CADM2: variants seen among roughly 807,000 people sequenced by gnomAD.
The protein encoded by CADM2 is cell adhesion molecule 2.
Under a neutral mutation model 49.8 loss-of-function variants are expected in CADM2, and 12 were observed. That is an observed-to-expected ratio of 0.24 (90% CI 0.15 to 0.39). CADM2 has a LOEUF of 0.39. Ranked by LOEUF, CADM2 falls within the 10% of genes least tolerant of loss-of-function variation. The pLI is 1.00. For missense variants in CADM2, 378 were observed against 492.3 expected (o/e 0.77, Z 2.20); for synonymous variants, 214 against 175.4 (o/e 1.22, Z -1.74).
chr3:85,150,554 C>T (rs972797753), intron 1 of CADM2, among the ~76,000 whole-genome samples: 1 of 151,994 alleles, frequency 6.6e-6, no homozygotes, highest in Non-Finnish European at 1.5e-5. Context: ...ATGACCCTAC[C>T]AGTTTCCTGA....
chr3:85,864,157 A>G (rs2108331189), intron 3 of CADM2, among the ~76,000 whole-genome samples: 1 of 152,238 alleles, frequency 6.6e-6, no homozygotes, highest in South Asian at 2.1e-4. Flanking sequence ...TTTTATCATG[A>G]TTGTTATTAA....
intron 1 of CADM2, among the ~76,000 whole-genome samples, chr3:85,483,570 T>C (rs969878352): frequency 1.3e-5 from 2 of 150,830 alleles, no homozygotes; most frequent in African/African-American, 4.8e-5. Context: ...CATTTCCAAT[T>C]GTATATGTAC....
At chr3:85,066,381 TA>T (rs11368552) in intron 1 of CADM2, among the ~76,000 whole-genome samples, 19,572 of 145,308 alleles carry the variant, frequency 0.13, 1,874 homozygotes, top group African/African-American at 0.28. Context: ...AATCAGCATT[TA>T]AAAAAAAAAA....
intron 1 of CADM2, among the ~76,000 whole-genome samples, chr3:85,673,102 G>C (rs910694799): frequency 6.6e-6 from 1 of 152,130 alleles, no homozygotes; most frequent in African/African-American, 2.4e-5. Context: ...GATGTAAATT[G>C]TCTGTCTTCT....
At chr3:85,781,954 A>G (rs570949248) in intron 2 of CADM2, among the ~76,000 whole-genome samples, 2 of 152,386 alleles carry the variant, frequency 1.3e-5, no homozygotes, top group African/African-American at 4.8e-5. Flanking sequence ...AAGCATTTTG[A>G]AATACTGCCA....
intron 1 of CADM2, among the ~76,000 whole-genome samples, chr3:85,363,846 C>A (rs2107289820): frequency 6.6e-6 from 1 of 152,206 alleles, no homozygotes; most frequent in African/African-American, 2.4e-5. Flanking sequence ...CTCCTGACCT[C>A]GTGATCCGCC....
intron 1 of CADM2, among the ~76,000 whole-genome samples, chr3:85,297,502 TA>T (rs1275745013): frequency 3.9e-5 from 6 of 152,010 alleles, no homozygotes; most frequent in Non-Finnish European, 8.8e-5. Flanking sequence ...GTGCCTGTAA[TA>T]AGATAGGAAG....
intron 8 of CADM2, among the ~76,000 whole-genome samples, chr3:86,019,729 G>T (rs1267391330): frequency 1.3e-5 from 2 of 152,078 alleles, no homozygotes; most frequent in African/African-American, 2.4e-5. Flanking sequence ...CATTGATTTT[G>T]TATCCTGAGA....
At chr3:85,487,767 T>C (rs909267484) in intron 1 of CADM2, among the ~76,000 whole-genome samples, 1 of 151,714 alleles carries the variant, frequency 6.6e-6, no homozygotes, top group African/African-American at 2.4e-5. Context: ...CGTGTGTGTG[T>C]GCGTGCGTGT....
At chr3:85,952,760 A>G (rs1327549014) in intron 7 of CADM2, among the ~76,000 whole-genome samples, 3 of 150,662 alleles carry the variant, frequency 2.0e-5, no homozygotes, top group Non-Finnish European at 4.5e-5. Flanking sequence ...ATTGTTTATT[A>G]TGTGCTTTCC....
intron 8 of CADM2, among the ~76,000 whole-genome samples, chr3:86,017,494 G>A (rs1040830040): frequency 6.6e-6 from 1 of 151,932 alleles, no homozygotes; most frequent in Non-Finnish European, 1.5e-5. Context: ...ATTTTGGGAG[G>A]CCAAGACCCG....
chr3:85,013,620 A>G (rs149326684), intron 1 of CADM2, among the ~76,000 whole-genome samples: 26 of 151,682 alleles, frequency 1.7e-4, no homozygotes, highest in African/African-American at 6.3e-4. Context: ...CTTTAAAGAT[A>G]TGAATTACTA....
rs140508236 is a variant in CADM2, at chr3:85,111,035, A to G, written c.61+151367A>G. Among the ~76,000 whole-genome samples the G allele has an allele frequency of 2.1e-3, 317 of 152,028 alleles. 4 individuals carry two copies. The highest frequency in any genetic ancestry group is 7.4e-3 in the African/African-American group (306 of 41,536). On this transcript the variant is annotated intron_variant, in intron 1 of 9. Transcript: ENST00000383699. ...TATGTAAGCAACTTTTTAAAAGTAC[A>G]TGAATAATGTAACCTAAGTAAATTG...
chr3:85,804,941 CT>C (rs551606021), intron 3 of CADM2, among the ~76,000 whole-genome samples: 6 of 151,200 alleles, frequency 4.0e-5, no homozygotes, highest in African/African-American at 4.8e-5. Context: ...GAAGTATGCA[CT>C]TTTTTTTTGG....
At chr3:85,928,447 A>C (rs1403611349) in intron 6 of CADM2, among the ~76,000 whole-genome samples, 2 of 152,032 alleles carry the variant, frequency 1.3e-5, no homozygotes, top group African/African-American at 4.8e-5. Context: ...GTGAGCCACC[A>C]CGCCCAGTCA....
intron 1 of CADM2, among the ~76,000 whole-genome samples, chr3:85,081,079 T>A (rs562349285): frequency 2.0e-5 from 3 of 152,218 alleles, no homozygotes; most frequent in African/African-American, 7.2e-5. Context: ...AATCCTAAAT[T>A]CATTTATTTT....
intron 1 of CADM2, among the ~76,000 whole-genome samples, chr3:85,255,916 G>A (rs535466760): frequency 7.2e-5 from 11 of 151,998 alleles, no homozygotes; most frequent in African/African-American, 2.7e-4. Flanking sequence ...ATCTGCTTTC[G>A]ATGTAATAGA....
intron 1 of CADM2, among the ~76,000 whole-genome samples, chr3:84,961,973 C>T (rs902403069): frequency 6.6e-6 from 1 of 152,052 alleles, no homozygotes; most frequent in African/African-American, 2.4e-5. Context: ...CGGAGAGATT[C>T]CATCAGCAGC....
chr3:85,619,079 G>T (rs951175080), intron 1 of CADM2, among the ~76,000 whole-genome samples: 5 of 151,692 alleles, frequency 3.3e-5, no homozygotes, highest in Admixed American at 3.3e-4. Context: ...ACACAGTTAT[G>T]CAATTATGAA....
Sources: allele counts gnomAD v4.1 joint callset (sites outside exome capture counted in the v4.1 genomes callset), GRCh38; gene constraint gnomAD v4.1.1; transcripts MANE v1.5; gene names NCBI Gene and HGNC (gene_info 2026-07-23, HGNC 2026-07-21).